Variants in SERPINB4 observed in about 807,000 individuals in gnomAD.
SERPINB4 encodes the protein serpin family B member 4.
Under a neutral mutation model 33.2 loss-of-function variants are expected in SERPINB4, and 39 were observed. The ratio of observed to expected loss-of-function variants is 1.18; its 90% CI spans 0.91 to 1.53. The LOEUF is 1.53. SERPINB4 is among the 40% of genes most tolerant of loss of function. The pLI is 0.00. For missense variants in SERPINB4, 564 were observed against 455.4 expected (o/e 1.24, Z -2.17); for synonymous variants, 191 against 166.4 (o/e 1.15, Z -1.14).
chr18:63,641,870 C>A lies in SERPINB4; in HGVS notation c.241G>T (p.Val81Phe). 6.2e-6 allele frequency: 10 copies of A among 1,613,264 alleles called. No individual in the cohort carries two copies. Among genetic ancestry groups the A allele is most frequent in the Non-Finnish European group, 7.6e-6 (9 of 1,179,458 alleles). ...ATYHVDRSGN[V>F]HHQFQKLLTE... ...AGAAGCTTTTGAAACTGGTGATGAA[C>A]ATTTCCTGACCTATCAACCTTCAAA... The change falls in exon 4 of 8, where the codon GTT (valine) becomes TTT (phenylalanine). Residue 81 changes from valine to phenylalanine, a missense_variant. Coordinates refer to ENST00000341074, the MANE Select transcript of SERPINB4 (RefSeq NM_002974.4).
intron 7 of SERPINB4, 141 bp from the exon 8 acceptor site, chr18:63,638,264 T>G: frequency 2.1e-6 from 2 of 942,844 alleles, no homozygotes; most frequent in East Asian, 2.6e-5. Flanking sequence ...ACATTATTAT[T>G]CTAATAGGTA....
Position 63,639,617 on chromosome 18 carries a change from T to A in SERPINB4, c.612+17A>T. 6.8e-7 allele frequency: 1 copy of A among 1,470,604 alleles called. No individual in the cohort carries two copies. 91.1% of individuals were successfully genotyped at this position (1,470,604 alleles called of 1,614,324 possible). A position where few individuals can be genotyped will look rare whatever the true frequency, so the allele number is the denominator to read the frequency against. On this transcript the variant is annotated intron_variant, in intron 6 of 7. Coordinates refer to ENST00000341074, the MANE Select transcript of SERPINB4 (RefSeq NM_002974.4). The stretch of plus-strand genomic sequence containing the variant: ...GTATTAACATATTACACTATATAAA[T>A]AAAATATAGACAATACCTTGTTTGG...
chr18:63,642,158 C>G (rs150297188), intron 3 of SERPINB4, among the ~76,000 whole-genome samples: 11 of 152,212 alleles, frequency 7.2e-5, no homozygotes, highest in Non-Finnish European at 1.0e-4. Context: ...TAGATTTTCT[C>G]CTTGTTGGTT....
chr18:63,641,950 C>G (rs970492296), intron 3 of SERPINB4, 62 bp from the exon 4 acceptor site: 1 of 1,603,858 alleles, frequency 6.2e-7, no homozygotes, highest in African/African-American at 1.3e-5. Context: ...TAAACCCATG[C>G]TAAGTCTGTT....
chr18:63,640,420 C>G (rs1255303515), intron 5 of SERPINB4, among the ~76,000 whole-genome samples: 1 of 152,062 alleles, frequency 6.6e-6, no homozygotes, highest in South Asian at 2.1e-4. Context: ...ACATTGGCTA[C>G]AGATGTGATC....
In SERPINB4 at chr18:63,637,615, T is replaced by A. The variant is rs1038982507; in HGVS notation, c.*104A>T. On this transcript the variant is annotated 3_prime_UTR_variant, in exon 8 of 8. Coordinates refer to ENST00000341074, the MANE Select transcript of SERPINB4 (RefSeq NM_002974.4). ...GATGACTATCATCATCAAGATGAGA[T>A]AGAAAAGAAATATGAGCCAAGAGAA... is the stretch of plus-strand genomic sequence containing the variant. The A allele has an allele frequency of 4.3e-5, 51 of 1,194,220 alleles. No individual in the cohort carries two copies. Among genetic ancestry groups the A allele is most frequent in the African/African-American group, 7.7e-5 (5 of 65,086 alleles). 74.0% of individuals were successfully genotyped at this position (1,194,220 alleles called of 1,614,324 possible).
At chr18:63,642,097 C>G (rs533876389) in intron 3 of SERPINB4, among the ~76,000 whole-genome samples, 2 of 152,084 alleles carry the variant, frequency 1.3e-5, no homozygotes, top group Non-Finnish European at 2.9e-5. Flanking sequence ...CTTGCTCTAA[C>G]GTACTGCAAT....
At chr18:63,639,366 A>C (rs1913048077) in intron 6 of SERPINB4, 26 bp from the exon 7 acceptor site, 1 of 1,582,656 alleles carries the variant, frequency 6.3e-7, no homozygotes, top group African/African-American at 1.3e-5. Context: ...GTGTCCAACA[A>C]ATAACACGTG....
rs763692778 is a variant in SERPINB4 at position 63,637,978 on chromosome 18, A to T, written c.914T>A (p.Val305Glu). The part of the protein sequence containing the change: ...LKDTLRTMGM[V>E]NIFNGDADLS... ...GTCTGCATCCCCATTGAAGATATTC[A>T]CCATTCCCATGGTTCTCAACGTGTC... The change falls in exon 8 of 8, where the codon GTG becomes GAG. Residue 305 changes from valine to glutamate, a missense_variant. Val to Glu is a moderately radical substitution (Grantham distance 121, BLOSUM62 -2). Coordinates refer to ENST00000341074, the MANE Select transcript of SERPINB4 (RefSeq NM_002974.4). The T allele has an allele frequency of 2.5e-6, 4 of 1,613,500 alleles. No homozygotes were observed. Among genetic ancestry groups the T allele is most frequent in the Non-Finnish European group, 2.5e-6 (3 of 1,179,782 alleles).
Position 63,640,927 on chromosome 18 carries a change from G to A in SERPINB4, c.416C>T (p.Ala139Val). ...TSVESTDFAN[A>V]PEESRKKINS... ...AATCTTCTTTCGACTTTCTTCTGGAGCATTTGCAAAATCAGTAGATTCCAC... is the reference window on the plus strand; with the variant it reads ...AATCTTCTTTCGACTTTCTTCTGGAACATTTGCAAAATCAGTAGATTCCAC... Residue 139 changes from alanine (A) to valine (V), a missense_variant, in exon 5 of 8, where the codon GCT (alanine) becomes GTT (valine). Ala to Val is a moderately conservative substitution (Grantham distance 64). Coordinates refer to ENST00000341074, the MANE Select transcript of SERPINB4 (RefSeq NM_002974.4). 5 of 1,612,924 alleles carry A rather than the reference G, an allele frequency of 3.1e-6. No individual in the cohort carries two copies. The highest frequency in any genetic ancestry group is 1.7e-5 in the Admixed American group (1 of 59,858).
chr18:63,640,999 A>T lies in SERPINB4; in HGVS notation c.352-8T>A. On this transcript the variant is annotated splice_region_variant and splice_polypyrimidine_tract_variant and intron_variant, in intron 4 of 7. Transcript: ENST00000341074. ...GATGGCATCTAAATATTCCTTTGAGATATGAAGGAAGAAGTAGGAATTAGG... is the reference window on the plus strand; with the variant it reads ...GATGGCATCTAAATATTCCTTTGAGTTATGAAGGAAGAAGTAGGAATTAGG... 6.2e-7 allele frequency: 1 copy of T among 1,600,490 alleles called. No homozygotes were observed. The highest frequency in any genetic ancestry group is 1.1e-5 in the South Asian group (1 of 90,622).
intron 2 of SERPINB4, 97 bp from the exon 3 acceptor site, chr18:63,643,314 T>G: frequency 6.2e-7 from 1 of 1,610,396 alleles, no homozygotes; most frequent in Non-Finnish European, 8.5e-7. Context: ...CAGCCCCCTG[T>G]GCTACCCATC....
chr18:63,640,947 T>G lies in SERPINB4; in HGVS notation c.396A>C (p.Glu132Asp). The G allele has an allele frequency of 6.2e-7, 1 of 1,612,964 alleles. No individual in the cohort carries two copies. Among genetic ancestry groups the G allele is most frequent in the Non-Finnish European group, 8.5e-7 (1 of 1,179,294 alleles). ...CTGGAGCATTTGCAAAATCAGTAGA[T>G]TCCACACTGGTCTGGTAAAATTTCT... The part of the protein sequence containing the change: ...AIKKFYQTSV[E>D]STDFANAPEE... The change falls in exon 5 of 8, where the codon GAA becomes GAC. Residue 132 changes from glutamate to aspartate, a missense_variant. Glu to Asp is a conservative substitution (Grantham distance 45). Transcript: ENST00000341074.
intron 7 of SERPINB4, among the ~76,000 whole-genome samples, chr18:63,638,427 A>G (rs1243983194): frequency 2.0e-5 from 3 of 152,018 alleles, no homozygotes; most frequent in Non-Finnish European, 4.4e-5. Context: ...TGATTACATT[A>G]TTTTGTACAC....
At chr18:63,643,298 C>A in intron 2 of SERPINB4, 81 bp from the exon 3 acceptor site, 1 of 1,611,218 alleles carries the variant, frequency 6.2e-7, no homozygotes, top group Non-Finnish European at 8.5e-7. Context: ...TATGGGAATT[C>A]CTGCACAGCC....
rs757988467 is a variant in SERPINB4 at position 63,637,928 on chromosome 18, C to A, written c.964G>T (p.Gly322Cys). 1.9e-6 allele frequency: 3 copies of A among 1,613,452 alleles called. No individual in the cohort carries two copies. The East Asian group carries it at 6.7e-5, about 36-fold the overall frequency. ...ADLSGMTWSHGLSVSKVLHKA... is the reference protein window; with the variant it reads ...ADLSGMTWSHCLSVSKVLHKA... ...TGTAGGACTTTAGATACTGAGAGAC[C>A]GTGGCTCCAGGTCATGCCTGAGAGG... Residue 322 changes from glycine to cysteine, a missense_variant, in exon 8 of 8, where the codon GGT becomes TGT. By Grantham distance (159) the Gly-to-Cys change is radical. Transcript: ENST00000341074.
At chr18:63,639,570 T>C in intron 6 of SERPINB4, 64 bp downstream of exon 6, 2 of 1,180,244 alleles carry the variant, frequency 1.7e-6, no homozygotes. Context: ...TTACATTCCA[T>C]CAGAAATGTT....
At chr18:63,642,859 G>A in intron 3 of SERPINB4, 1 of 315,410 alleles carries the variant, frequency 3.2e-6, no homozygotes, top group Non-Finnish European at 5.8e-6. Context: ...GAGGTCACTG[G>A]GACTCCGAGC....
At chr18:63,639,852 G>C in intron 5 of SERPINB4, 76 bp from the exon 6 acceptor site, 2 of 1,330,846 alleles carry the variant, frequency 1.5e-6, no homozygotes, top group South Asian at 2.7e-5. Context: ...GCAAATGTTC[G>C]TGACTGATCG....
Sources: allele counts gnomAD v4.1 joint callset (sites outside exome capture counted in the v4.1 genomes callset), GRCh38; gene constraint gnomAD v4.1.1; transcripts MANE v1.5; gene names NCBI Gene and HGNC (gene_info 2026-07-23, HGNC 2026-07-21).